MAST2: variants seen among roughly 807,000 people sequenced by gnomAD.
MAST2 encodes the protein microtubule associated serine/threonine kinase 2, also known as microtubule-associated serine/threonine-protein kinase 2.
MAST2 carries 70 observed loss-of-function variants against 147.4 expected under a neutral mutation model. The ratio of observed to expected loss-of-function variants is 0.47; its 90% CI spans 0.39 to 0.58. MAST2 has a LOEUF of 0.58. MAST2 is among the 20% of genes least tolerant of loss of function. The probability of loss-of-function intolerance (pLI) is 0.00; values close to 1 mark genes in which losing one functional copy is unlikely to be tolerated. For missense variants in MAST2, 2,080 were observed against 2,302.3 expected (o/e 0.90, Z 1.98); for synonymous variants, 869 against 896.8 (o/e 0.97, Z 0.55).
At chr1:45,973,237 T>A (rs938771002) in intron 5 of MAST2, among the ~76,000 whole-genome samples, 1 of 133,042 alleles carries the variant, frequency 7.5e-6, no homozygotes, top group African/African-American at 3.0e-5. Context: ...TCTTAAGACT[T>A]TCTGTTCTTT....
intron 4 of MAST2, among the ~76,000 whole-genome samples, 162 bp downstream of exon 4, chr1:45,882,557 C>T (rs11211217): frequency 6.6e-6 from 1 of 152,050 alleles, no homozygotes; most frequent in Non-Finnish European, 1.5e-5. Flanking sequence ...TGACTTCTCC[C>T]ACTAGGTCAG....
chr1:45,827,022 G>A (rs1024899670), intron 2 of MAST2, among the ~76,000 whole-genome samples: 1 of 151,954 alleles, frequency 6.6e-6, no homozygotes, highest in Non-Finnish European at 1.5e-5. Context: ...TAGAGACGGG[G>A]TTTCACTATG....
Position 46,031,734 on chromosome 1 carries a change from G to C in MAST2, c.3187+149G>C. 1 of 802,896 alleles carries C rather than the reference G, an allele frequency of 1.2e-6. No homozygotes were observed. Among genetic ancestry groups the C allele is most frequent in the South Asian group, 1.8e-5 (1 of 54,492 alleles). The allele number at this position is 802,896 out of a possible 1,614,324, so 49.7% of individuals were successfully genotyped here. A position where few individuals can be genotyped will look rare whatever the true frequency, so the allele number is the denominator to read the frequency against. ...CTGAAGGTGTGTATTGGTGTCTGGG[G>C]TTGTGTATACATGTGCCAGAAAGCA... On this transcript the variant is annotated intron_variant, in intron 24 of 28. Coordinates refer to ENST00000361297, the MANE Select transcript of MAST2 (RefSeq NM_015112.3). This position sits in a 1 kb window ranked among gnomAD's most constrained non-coding sequence, Gnocchi z 4.1.
chr1:45,868,799 T>G (rs779789262), intron 3 of MAST2, among the ~76,000 whole-genome samples: 3 of 152,134 alleles, frequency 2.0e-5, no homozygotes, highest in Non-Finnish European at 4.4e-5. Context: ...AACATTCAAT[T>G]TCTTCTTGAA....
chr1:45,958,104 C>T (rs1021146201), intron 4 of MAST2, among the ~76,000 whole-genome samples: 2 of 152,040 alleles, frequency 1.3e-5, no homozygotes, highest in Non-Finnish European at 2.9e-5. Flanking sequence ...GGAAGGCATT[C>T]CATGGTGACT....
chr1:45,936,089 CTTG>C (rs767426020), intron 4 of MAST2, among the ~76,000 whole-genome samples: 1 of 152,044 alleles, frequency 6.6e-6, no homozygotes, highest in African/African-American at 2.4e-5. Flanking sequence ...TTTTTTAATT[CTTG>C]TTGTAGAGAT....
At chr1:45,811,461 CT>C in intron 1 of MAST2, among the ~76,000 whole-genome samples, 1 of 151,360 alleles carries the variant, frequency 6.6e-6, no homozygotes, top group African/African-American at 2.4e-5. Flanking sequence ...GCCTCAGCCT[CT>C]GGAGTAGCTG....
At chr1:45,902,944 C>T (rs575775179) in intron 4 of MAST2, among the ~76,000 whole-genome samples, 14 of 151,760 alleles carry the variant, frequency 9.2e-5, no homozygotes, top group African/African-American at 3.4e-4. Flanking sequence ...TGTTTTGTTG[C>T]TCCTTTATGT....
intron 4 of MAST2, among the ~76,000 whole-genome samples, chr1:45,945,777 A>G (rs746995253): frequency 5.7e-4 from 87 of 152,350 alleles, no homozygotes; most frequent in Non-Finnish European, 1.0e-3. Flanking sequence ...TGGTCTAGAA[A>G]TGTAACCTGT....
At chr1:45,995,042 G>A in intron 5 of MAST2, among the ~76,000 whole-genome samples, 1 of 151,830 alleles carries the variant, frequency 6.6e-6, no homozygotes, top group East Asian at 1.9e-4. Flanking sequence ...GGGTTTCATT[G>A]TGTTAACCAG....
intron 6 of MAST2, among the ~76,000 whole-genome samples, chr1:45,998,728 T>C (rs1429315752): frequency 6.6e-6 from 1 of 151,692 alleles, no homozygotes; most frequent in Non-Finnish European, 1.5e-5. Flanking sequence ...ATACTTAGAC[T>C]ACTTTTTTTT....
chr1:45,982,896 C>T (rs894652503), intron 5 of MAST2, among the ~76,000 whole-genome samples: 4 of 152,146 alleles, frequency 2.6e-5, no homozygotes, highest in Non-Finnish European at 4.4e-5. Context: ...AGTTTAATTG[C>T]AGTATACCCA....
chr1:46,009,191 A>G (rs908779739), intron 9 of MAST2, among the ~76,000 whole-genome samples: 2 of 152,156 alleles, frequency 1.3e-5, no homozygotes, highest in African/African-American at 2.4e-5. Flanking sequence ...AGATGCTGGG[A>G]CTACAGGCAT....
At position 45,948,989 on chromosome 1, in the gene MAST2, C is replaced by T. The variant is rs1658526944; in HGVS notation, c.501-10397C>T. Among the ~76,000 whole-genome samples the T allele has an allele frequency of 3.3e-5, 5 of 151,992 alleles. No homozygotes were observed. The South Asian group carries it at 1.0e-3, about 32-fold the overall frequency. On this transcript the variant is annotated intron_variant, in intron 4 of 28. Coordinates refer to ENST00000361297, the MANE Select transcript of MAST2 (RefSeq NM_015112.3). ...AAAACAAGCAATGGGGAAAAGACTC[C>T]CTATTCAGTAAGTGGTTCTGGGATA...
chr1:46,028,464 T>C (rs1442006554), intron 17 of MAST2, among the ~76,000 whole-genome samples: 3 of 151,978 alleles, frequency 2.0e-5, no homozygotes, highest in Non-Finnish European at 4.4e-5. Context: ...ACTGATAGGG[T>C]CTGTTTTGTT....
At chr1:46,025,884 C>A in intron 16 of MAST2, 69 bp downstream of exon 16, 11 of 1,586,184 alleles carry the variant, frequency 6.9e-6, no homozygotes, top group Non-Finnish European at 8.6e-6. Flanking sequence ...TGTTGGCAAG[C>A]ACAGTAGCTC....
At chr1:45,952,116 T>G (rs1557954789) in intron 4 of MAST2, among the ~76,000 whole-genome samples, 1 of 152,234 alleles carries the variant, frequency 6.6e-6, no homozygotes, top group African/African-American at 2.4e-5. Flanking sequence ...TGCAAAAACT[T>G]GTAAACAAAT....
rs1557515754 is a variant in MAST2, at chr1:46,031,626, G to A, written c.3187+41G>A. 2 of 1,581,554 alleles carry A rather than the reference G, an allele frequency of 1.3e-6. No homozygotes were observed. The highest frequency in any genetic ancestry group is 2.7e-5 in the African/African-American group (2 of 74,366). On this transcript the variant is annotated intron_variant, in intron 24 of 28. Transcript: ENST00000361297. This position sits in a 1 kb window ranked among gnomAD's most constrained non-coding sequence, Gnocchi z 4.1. ...AGCTGGGATAAAACTCACAGGAAGG[G>A]CCTTGTAATCTCTAGGCCTTGGGAG...
intron 5 of MAST2, among the ~76,000 whole-genome samples, chr1:45,988,950 G>T (rs1644756014): frequency 6.6e-6 from 1 of 152,074 alleles, no homozygotes; most frequent in Admixed American, 6.6e-5. Context: ...TTCTCCAAGA[G>T]GTCTGGATTT....
Sources: gnomAD v4.1 joint callset for allele counts (sites outside exome capture counted in the v4.1 genomes callset) on GRCh38, gnomAD v4.1.1 for gene constraint, Gnocchi (gnomAD v3.1) non-coding constraint, MANE v1.5 for transcripts, NCBI Gene and HGNC (gene_info 2026-07-23, HGNC 2026-07-21) for gene names.